DCAF6: variants seen among roughly 807,000 people sequenced by gnomAD.
The protein encoded by DCAF6 is DDB1 and CUL4 associated factor 6.
A neutral mutation model predicts 125.1 loss-of-function variants in DCAF6; 54 were observed. The ratio of observed to expected loss-of-function variants is 0.43; its 90% CI spans 0.35 to 0.54. DCAF6 has a LOEUF of 0.54. Among genes scored for constraint, DCAF6 ranks in the 20% least tolerant of loss-of-function variants. DCAF6 has a pLI of 0.01. For synonymous variants in DCAF6, 371 were observed against 390.4 expected (o/e 0.95, Z 0.58); for missense variants, 934 against 1,161.7 (o/e 0.80, Z 2.85).
intron 4 of DCAF6, among the ~76,000 whole-genome samples, chr1:167,985,537 T>C (rs1679877905): frequency 6.6e-6 from 1 of 152,170 alleles, no homozygotes; most frequent in Non-Finnish European, 1.5e-5. Flanking sequence ...AGTAAGACCC[T>C]TGTAATTATA....
intron 6 of DCAF6, among the ~76,000 whole-genome samples, chr1:167,992,909 A>G (rs574478407): frequency 6.6e-6 from 1 of 152,228 alleles, no homozygotes; most frequent in African/African-American, 2.4e-5. Context: ...TTTGGGGGGA[A>G]CTTTTGGAAG....
intron 10 of DCAF6, among the ~76,000 whole-genome samples, chr1:168,008,726 CT>C (rs1249792925): frequency 5.9e-5 from 9 of 152,118 alleles, no homozygotes; most frequent in African/African-American, 2.2e-4. Flanking sequence ...CCCTGTCTCT[CT>C]AGCCTCATCT....
At chr1:168,072,294 TAAAAAAAAAAAAAAAAAAAAAA>T (rs59674650) in intron 21 of DCAF6, among the ~76,000 whole-genome samples, 1 of 41,016 alleles carries the variant, frequency 2.4e-5, no homozygotes, top group Admixed American at 4.8e-4. Context: ...AGAATCAGTC[TAAAAAAAAAAAAAAAAAAAAAA>T]AAAAAAAAAG....
the DCAF6 span, chr1:167,878,717 A>G: frequency 0.025 from 35,617 of 1,417,372 alleles, 5,276 homozygotes; most frequent in African/African-American, 0.38. Flanking sequence ...GTCCCCAAAT[A>G]GCATTTTTAC....
intron 1 of DCAF6, among the ~76,000 whole-genome samples, chr1:167,950,336 T>C (rs1387910379): frequency 6.6e-6 from 1 of 152,192 alleles, no homozygotes. Flanking sequence ...AGTTAGAATC[T>C]TTTTACAAGC....
At chr1:167,991,791 A>C (rs1431050800) in intron 6 of DCAF6, among the ~76,000 whole-genome samples, 6 of 152,082 alleles carry the variant, frequency 3.9e-5, no homozygotes, top group Non-Finnish European at 8.8e-5. Context: ...CTTTACATGC[A>C]ATTTTCCCTG....
At chr1:167,978,895 G>GATC (rs1172506907) in intron 4 of DCAF6, among the ~76,000 whole-genome samples, 2 of 152,078 alleles carry the variant, frequency 1.3e-5, no homozygotes, top group African/African-American at 2.4e-5. Flanking sequence ...GGGCTCAAGC[G>GATC]ATCCTCCTGC....
At chr1:167,972,556 TAGG>T (rs1017015851) in intron 3 of DCAF6, among the ~76,000 whole-genome samples, 1 of 152,180 alleles carries the variant, frequency 6.6e-6, no homozygotes, top group Non-Finnish European at 1.5e-5. Flanking sequence ...AAGTAGGAGA[TAGG>T]AGGCCATTGA....
In DCAF6 at chr1:167,966,623, C is replaced by G. The variant is rs1296407541; in HGVS notation, c.160-6C>G. On this transcript the variant is annotated splice_region_variant and splice_polypyrimidine_tract_variant and intron_variant, in intron 2 of 21. Transcript: ENST00000367840. ...TGCTTATATTTCTTTTTTGCTTTCT[C>G]TTTAGGTTAATACAATCTGTTGGAA... is the stretch of plus-strand genomic sequence containing the variant. The G allele has an allele frequency of 1.9e-6, 3 of 1,564,742 alleles. No individual in the cohort carries two copies. The highest frequency in any genetic ancestry group is 2.6e-6 in the Non-Finnish European group (3 of 1,140,978).
intron 4 of DCAF6, among the ~76,000 whole-genome samples, chr1:167,987,209 T>C (rs1369818115): frequency 1.3e-5 from 2 of 152,188 alleles, no homozygotes; most frequent in Non-Finnish European, 2.9e-5. Flanking sequence ...GGAGAATCAT[T>C]CTTCCCTAGT....
At chr1:167,932,896 G>A (rs930185009), upstream of DCAF6, among the ~76,000 whole-genome samples, 4 of 151,896 alleles carry the variant, frequency 2.6e-5, no homozygotes, top group Non-Finnish European at 5.9e-5. Context: ...GACAAACACT[G>A]GAGTACAGCT....
At chr1:168,000,463 G>T (rs1218629745) in intron 7 of DCAF6, among the ~76,000 whole-genome samples, 1 of 152,132 alleles carries the variant, frequency 6.6e-6, no homozygotes, top group East Asian at 1.9e-4. Context: ...GAAGCAAAGT[G>T]CAATAAAATG....
chr1:167,929,859 T>TA, the DCAF6 span, among the ~76,000 whole-genome samples: 1 of 152,222 alleles, frequency 6.6e-6, no homozygotes, highest in East Asian at 1.9e-4. Flanking sequence ...TAAGAGGTCA[T>TA]AAAATCACTA....
chr1:167,889,532 T>G, the DCAF6 span, among the ~76,000 whole-genome samples: 4 of 152,056 alleles, frequency 2.6e-5, no homozygotes, highest in Non-Finnish European at 5.9e-5. Context: ...GGCCTGTAGC[T>G]TTCTTTTTTT....
chr1:167,879,010 G>A, the DCAF6 span, among the ~76,000 whole-genome samples: 1 of 152,200 alleles, frequency 6.6e-6, no homozygotes, highest in East Asian at 1.9e-4. Flanking sequence ...CTGGGGTACT[G>A]ATCTCCATAT....
the DCAF6 span, among the ~76,000 whole-genome samples, chr1:167,890,088 T>C: frequency 6.6e-6 from 1 of 152,216 alleles, no homozygotes; most frequent in Non-Finnish European, 1.5e-5. Flanking sequence ...GGTGAGGTCA[T>C]GTTTTCCTGG....
At chr1:167,902,037 C>T in the DCAF6 span, 2 of 1,612,558 alleles carry the variant, frequency 1.2e-6, no homozygotes, top group Non-Finnish European at 1.7e-6. Flanking sequence ...AGGATGTCTC[C>T]TCCAAAAATC....
At chr1:168,007,865 A>G (rs1435731653) in intron 10 of DCAF6, among the ~76,000 whole-genome samples, 1 of 149,850 alleles carries the variant, frequency 6.7e-6, no homozygotes, top group South Asian at 2.1e-4. Context: ...TCACAAATAT[A>G]TATATCAGCA....
In DCAF6 at chr1:167,991,286, C is replaced by G; in HGVS notation, c.635C>G (p.Ser212Cys). ...CCATATTACCTTGCTGTTGGTTGTT[C>G]TGACAGCTCAGTACGAATATATGAT... The part of the protein sequence containing the change: ...PIPYYLAVGC[S>C]DSSVRIYDRR... The change falls in exon 6 of 22, where the codon TCT becomes TGT. Residue 212 changes from serine to cysteine, a missense_variant. Coordinates refer to ENST00000367840, the MANE Select transcript of DCAF6 (RefSeq NM_001198956.2). The G allele has an allele frequency of 6.2e-7, 1 of 1,613,646 alleles. No homozygotes were observed.
Sources: allele counts gnomAD v4.1 joint callset (sites outside exome capture counted in the v4.1 genomes callset), GRCh38; gene constraint gnomAD v4.1.1; transcripts MANE v1.5; gene names NCBI Gene and HGNC (gene_info 2026-07-23, HGNC 2026-07-21).